Variants in CRYBG1 observed in about 807,000 individuals in gnomAD.
CRYBG1 encodes the protein crystallin beta-gamma domain containing 1.
In CRYBG1, 139 loss-of-function variants were observed where a neutral mutation model predicts 189.2. That is an observed-to-expected ratio of 0.73 (90% confidence interval 0.64 to 0.85). CRYBG1 has a LOEUF of 0.85. Among genes scored for constraint, CRYBG1 ranks in the 40% least tolerant of loss-of-function variants. The probability of loss-of-function intolerance (pLI) is 0.00; values close to 1 mark genes in which losing one functional copy is unlikely to be tolerated. For synonymous variants in CRYBG1, 1,023 were observed against 1,017.1 expected (o/e 1.01, Z -0.11); for missense variants, 2,611 against 2,675.8 (o/e 0.98, Z 0.53).
At chr6:106,535,586 A>G (rs977446406) in intron 8 of CRYBG1, among the ~76,000 whole-genome samples, 4 of 152,202 alleles carry the variant, frequency 2.6e-5, no homozygotes, top group Admixed American at 1.3e-4. Flanking sequence ...TATCTGTTCA[A>G]TAGTCCATCA....
Position 106,563,870 on chromosome 6 carries a change from A to G in CRYBG1, c.6245A>G (p.Lys2082Arg). Residue 2082 changes from lysine (K) to arginine (R), a missense_variant, in exon 21 of 22, where the codon AAG becomes AGG. Physicochemically the swap from Lys to Arg is conservative, Grantham distance 26. Transcript: ENST00000633556. ...QNADSQFWSL[K>R]SDGRIYSKLK... is the part of the protein sequence containing the mutation. ...GCTGACAGCCAGTTCTGGAGCTTGA[A>G]GTCCGATGGCAGGATTTACAGCAAG... The G allele has an allele frequency of 2.5e-6, 4 of 1,613,660 alleles. No homozygotes were observed. Among genetic ancestry groups the G allele is most frequent in the Non-Finnish European group, 3.4e-6 (4 of 1,179,556 alleles).
chr6:106,386,570 C>G (rs71572297), intron 1 of CRYBG1, among the ~76,000 whole-genome samples: 18,163 of 152,124 alleles, frequency 0.12, 1,199 homozygotes, highest in African/African-American at 0.16. Context: ...TGTATTTGCA[C>G]CTGCTCCCCA....
intron 9 of CRYBG1, chr6:106,541,328 A>G (rs1372407160): frequency 4.8e-6 from 3 of 628,178 alleles, no homozygotes; most frequent in Non-Finnish European, 9.1e-6. Flanking sequence ...TTCCAAGTTA[A>G]AAAAACTTGC....
At chr6:106,372,550 C>A (rs1582726258) in intron 1 of CRYBG1, among the ~76,000 whole-genome samples, 1 of 152,152 alleles carries the variant, frequency 6.6e-6, no homozygotes, top group East Asian at 1.9e-4. Context: ...CCGTGCCTGG[C>A]CTTTTGTCAT....
rs369991771 is a variant in CRYBG1 at position 106,418,859 on chromosome 6, C to T, written c.174-32835C>T. On this transcript the variant is annotated intron_variant, in intron 1 of 21. Coordinates refer to ENST00000633556, the MANE Select transcript of CRYBG1 (RefSeq NM_001371242.2). ...TCTGTCTCCTGCAGAGAGGGGCACC[C>T]GAGTGGGTCTTCTGGTCCCATGGTA... Among the ~76,000 whole-genome samples, 10 of 152,282 alleles carry T rather than the reference C, an allele frequency of 6.6e-5. 1 individual carries two copies. Among genetic ancestry groups the T allele is most frequent in the East Asian group, 3.9e-4 (2 of 5,182 alleles).
chr6:106,400,936 C>T (rs1353792830), intron 1 of CRYBG1, among the ~76,000 whole-genome samples: 1 of 152,094 alleles, frequency 6.6e-6, no homozygotes, highest in Non-Finnish European at 1.5e-5. Flanking sequence ...GTGACCAGAG[C>T]AATGAAAGTG....
chr6:106,473,190 A>G (rs1273226391), intron 2 of CRYBG1, among the ~76,000 whole-genome samples: 1 of 152,174 alleles, frequency 6.6e-6, no homozygotes, highest in African/African-American at 2.4e-5. Flanking sequence ...CTTAATTATT[A>G]TAGAAACTTT....
rs576933223 is a variant in CRYBG1 at position 106,475,598 on chromosome 6, G to A, written c.312+23766G>A. On this transcript the variant is annotated intron_variant, in intron 2 of 21. Transcript: ENST00000633556. ...ACATACTAATTTAGTTAGAGTGGAC[G>A]GTCTGTGCGGGTACATAAAAGCAGG... Among the ~76,000 whole-genome samples, 6 of 152,124 alleles carry A rather than the reference G, an allele frequency of 3.9e-5. No homozygotes were observed. The East Asian group carries it at 5.8e-4, about 15-fold the overall frequency.
At chr6:106,386,051 A>T (rs529484520) in intron 1 of CRYBG1, among the ~76,000 whole-genome samples, 1 of 152,338 alleles carries the variant, frequency 6.6e-6, no homozygotes, top group African/African-American at 2.4e-5. Flanking sequence ...CTTGGTCTCC[A>T]CGTGGCGAAG....
intron 2 of CRYBG1, among the ~76,000 whole-genome samples, chr6:106,475,626 G>T (rs571744901): frequency 6.6e-6 from 1 of 152,316 alleles, no homozygotes; most frequent in South Asian, 2.1e-4. Flanking sequence ...AAAGCAGGAT[G>T]ACTTGAAAGA....
chr6:106,566,123 C>T (rs1448335105), intron 21 of CRYBG1, among the ~76,000 whole-genome samples: 1 of 148,946 alleles, frequency 6.7e-6, no homozygotes, highest in African/African-American at 2.5e-5. Flanking sequence ...ACGGGGTACA[C>T]ACTATGTGCC....
chr6:106,361,954 T>C (rs965461831), intron 1 of CRYBG1, among the ~76,000 whole-genome samples: 1 of 87,062 alleles, frequency 1.1e-5, no homozygotes, highest in Admixed American at 1.3e-4. Context: ...TGGTTTTCCT[T>C]TTATTTCTTT....
intron 3 of CRYBG1, 101 bp downstream of exon 3, chr6:106,513,140 G>C (rs1008159289): frequency 7.3e-7 from 1 of 1,370,564 alleles, no homozygotes; most frequent in African/African-American, 1.5e-5. Flanking sequence ...GAAACGTCTG[G>C]TCACTGAACT....
intron 2 of CRYBG1, among the ~76,000 whole-genome samples, chr6:106,492,497 A>AGAGG (rs954174137): frequency 2.0e-5 from 3 of 151,298 alleles, no homozygotes; most frequent in Non-Finnish European, 2.9e-5. Flanking sequence ...AGGAAGTGGG[A>AGAGG]GAGGGAGGGA....
intron 19 of CRYBG1, 28 bp from the exon 20 acceptor site, chr6:106,561,314 A>G: frequency 6.2e-7 from 1 of 1,609,508 alleles, no homozygotes; most frequent in Non-Finnish European, 8.5e-7. Flanking sequence ...CATCTGGTAT[A>G]ACAACTGCTG....
chr6:106,545,368 C>CGT (rs1335573318), intron 13 of CRYBG1, among the ~76,000 whole-genome samples: 1 of 152,148 alleles, frequency 6.6e-6, no homozygotes, highest in Non-Finnish European at 1.5e-5. Flanking sequence ...GTTCTATGTA[C>CGT]GTGGAGTTAG....
chr6:106,375,387 A>AAGTG (rs1191138939), intron 1 of CRYBG1, among the ~76,000 whole-genome samples: 1 of 137,488 alleles, frequency 7.3e-6, no homozygotes, highest in African/African-American at 2.8e-5. Flanking sequence ...CCCTGTCTTT[A>AAGTG]AGTAAGTAAG....
At chr6:106,470,882 G>A (rs9486362) in intron 2 of CRYBG1, among the ~76,000 whole-genome samples, 31,896 of 152,092 alleles carry the variant, frequency 0.21, 3,544 homozygotes, top group African/African-American at 0.29. Flanking sequence ...AATCAAGGGT[G>A]TTGGTGCCTA....
intron 1 of CRYBG1, among the ~76,000 whole-genome samples, chr6:106,415,154 GTC>G (rs765289071): frequency 1.3e-5 from 2 of 152,120 alleles, no homozygotes; most frequent in Non-Finnish European, 2.9e-5. Flanking sequence ...GTCAAAGACT[GTC>G]TTGTGATTTC....
Sources: allele counts gnomAD v4.1 joint callset (sites outside exome capture counted in the v4.1 genomes callset), GRCh38; gene constraint gnomAD v4.1.1; transcripts MANE v1.5; gene names NCBI Gene and HGNC (gene_info 2026-07-23, HGNC 2026-07-21).